SUDS3: variants seen among roughly 807,000 people sequenced by gnomAD.
SUDS3 encodes the protein SIN3A corepressor complex component SDS3, also known as sin3 histone deacetylase corepressor complex component SDS3.
A neutral mutation model predicts 53.5 loss-of-function variants in SUDS3; 23 were observed. The ratio of observed to expected loss-of-function variants is 0.43; its 90% CI spans 0.31 to 0.61. The LOEUF (loss-of-function observed/expected upper bound fraction) is 0.61, where lower values mean the gene tolerates loss of function less well. Among genes scored for constraint, SUDS3 ranks in the 20% least tolerant of loss-of-function variants. SUDS3 has a pLI of 0.10. For missense variants in SUDS3, 291 were observed against 405.9 expected (o/e 0.72, Z 2.43); for synonymous variants, 150 against 148.5 (o/e 1.01, Z -0.08).
At chr12:118,381,710 C>G (rs1365598184) in intron 2 of SUDS3, among the ~76,000 whole-genome samples, 1 of 152,148 alleles carries the variant, frequency 6.6e-6, no homozygotes, top group Non-Finnish European at 1.5e-5. Context: ...CAGGCCAGTG[C>G]TCTGTCCACG....
chr12:118,399,379 G>A (rs2046243732), intron 6 of SUDS3, among the ~76,000 whole-genome samples: 1 of 152,170 alleles, frequency 6.6e-6, no homozygotes, highest in Non-Finnish European at 1.5e-5. Flanking sequence ...GGCGCATGCT[G>A]TAGTCCCAGC....
At chr12:118,394,027 A>G (rs2046192050) in intron 6 of SUDS3, among the ~76,000 whole-genome samples, 1 of 152,136 alleles carries the variant, frequency 6.6e-6, no homozygotes, top group Admixed American at 6.6e-5. Flanking sequence ...GCTGGTTGAT[A>G]GCTGATACCA....
chr12:118,399,327 C>T (rs915395619), intron 6 of SUDS3, among the ~76,000 whole-genome samples: 5 of 151,996 alleles, frequency 3.3e-5, no homozygotes, highest in Admixed American at 2.0e-4. Flanking sequence ...TATGGTGAAA[C>T]CCTGATTCTA....
intron 2 of SUDS3, 88 bp downstream of exon 2, chr12:118,380,319 T>C: frequency 1.8e-5 from 21 of 1,192,964 alleles, no homozygotes; most frequent in Non-Finnish European, 2.5e-5. Flanking sequence ...AAATCTCAGA[T>C]GCTCCAAAAT....
In SUDS3 at chr12:118,387,284, G is replaced by A. The variant is rs147944379; in HGVS notation, c.340+1099G>A. Among the ~76,000 whole-genome samples, 3 of 152,278 alleles carry A rather than the reference G, an allele frequency of 2.0e-5. No homozygotes were observed. In the East Asian group the frequency reaches 5.8e-4, roughly 29 times the overall value. ...AATCCTCAACCGGTTGCTCTTCCTA[G>A]ACTTCCCTTTTAGCAGATAAAGGAG... On this transcript the variant is annotated intron_variant, in intron 4 of 11. Transcript: ENST00000543473.
chr12:118,400,022 G>A (rs868272985), intron 6 of SUDS3, among the ~76,000 whole-genome samples: 3 of 152,158 alleles, frequency 2.0e-5, no homozygotes, highest in Non-Finnish European at 4.4e-5. Flanking sequence ...CTTGGGAGGA[G>A]CTATTTGAAG....
At chr12:118,408,178 C>T (rs187200375) in intron 10 of SUDS3, among the ~76,000 whole-genome samples, 31 of 152,226 alleles carry the variant, frequency 2.0e-4, no homozygotes, top group African/African-American at 6.3e-4. Flanking sequence ...GGATTACAGG[C>T]GTAAGCCACT....
At position 118,391,280 on chromosome 12, in the gene SUDS3, G is replaced by C. The variant is rs1387963971; in HGVS notation, c.515G>C (p.Gly172Ala). 1 of 1,609,532 alleles carries C rather than the reference G, an allele frequency of 6.2e-7. No individual in the cohort carries two copies. The highest frequency in any genetic ancestry group is 1.7e-5 in the Admixed American group (1 of 58,932). The change falls in exon 6 of 12, where the codon GGA (glycine) becomes GCA (alanine). Residue 172 changes from glycine to alanine, a missense_variant and splice_region_variant. Physicochemically the swap from Gly to Ala is moderately conservative, Grantham distance 60. Around this residue, in one of 4 missense-constraint regions of SUDS3, gnomAD observed 55 missense variants for 124.2 expected, o/e 0.44. Transcript: ENST00000543473. ...ENEKLTMELT[G>A]DSMEVKPIMT... ...GAAAAGCTGACAATGGAACTGACTGGAGGTAGGAAAGCCCTATGGGGTGGG... is the reference window on the plus strand; with the variant it reads ...GAAAAGCTGACAATGGAACTGACTGCAGGTAGGAAAGCCCTATGGGGTGGG...
chr12:118,390,875 A>G (rs2046160399), intron 5 of SUDS3: 1 of 512,496 alleles, frequency 2.0e-6, no homozygotes, highest in Non-Finnish European at 3.7e-6. Context: ...GTGTTTTAGT[A>G]TAAAATATAG....
At chr12:118,392,186 A>G (rs2046173595) in intron 6 of SUDS3, among the ~76,000 whole-genome samples, 1 of 152,314 alleles carries the variant, frequency 6.6e-6, no homozygotes, top group South Asian at 2.1e-4. Flanking sequence ...AACTCTTACA[A>G]TTCGGAAAGT....
chr12:118,383,633 C>A (rs529879564), intron 2 of SUDS3, among the ~76,000 whole-genome samples: 4 of 152,224 alleles, frequency 2.6e-5, no homozygotes, highest in African/African-American at 9.6e-5. Context: ...CTGTAACTTA[C>A]AATCTAATTG....
rs2141401752 is a variant in SUDS3, at chr12:118,417,019, GT to G, written c.*2588del. Reference sequence around the variant, plus strand: ...TATGTACAGTGTTTGCTGCGGGTGTGTTCCAATATTCATTTTACCTCTGCTT... The same window carrying G: ...TATGTACAGTGTTTGCTGCGGGTGTGTCCAATATTCATTTTACCTCTGCTT... On this transcript the variant is annotated 3_prime_UTR_variant, in exon 12 of 12. Coordinates refer to ENST00000543473, the MANE Select transcript of SUDS3 (RefSeq NM_022491.3). 6.6e-6 allele frequency: 1 copy of G among 152,310 alleles called. No individual in the cohort carries two copies. Among genetic ancestry groups the G allele is most frequent in the South Asian group, 2.1e-4 (1 of 4,816 alleles). 9.4% of individuals were successfully genotyped at this position (152,310 alleles called of 1,614,324 possible). A position where few individuals can be genotyped will look rare whatever the true frequency, so the allele number is the denominator to read the frequency against.
rs546559922 is a variant in SUDS3, at chr12:118,402,239, G to A, written c.697+235G>A. 2.9e-5 allele frequency: 16 copies of A among 556,126 alleles called. No individual in the cohort carries two copies. The South Asian group carries it at 3.4e-4, about 12-fold the overall frequency. The allele number at this position is 556,126 out of a possible 1,614,324, so 34.4% of individuals were successfully genotyped here. On this transcript the variant is annotated intron_variant, in intron 9 of 11. Transcript: ENST00000543473. The stretch of plus-strand genomic sequence containing the variant: ...TTTTTTCTTAGGATTTATCATAAAA[G>A]AGACATTTGATTGATTGATTGATTT...
At chr12:118,386,357 T>C (rs1051886320) in intron 4 of SUDS3, among the ~76,000 whole-genome samples, 172 bp downstream of exon 4, 5 of 152,196 alleles carry the variant, frequency 3.3e-5, no homozygotes, top group Non-Finnish European at 5.9e-5. Context: ...TGGTTTCATC[T>C]TCTGCTTCTG....
Position 118,400,696 on chromosome 12 carries a change from G to A in SUDS3, c.555G>A (p.Leu185=). Residue 185 remains leucine, a synonymous_variant, in exon 7 of 12, where the codon TTG becomes TTA. Coordinates refer to ENST00000543473, the MANE Select transcript of SUDS3 (RefSeq NM_022491.3). Reference sequence around the variant, plus strand: ...TGAAACCTATCATGACCAGAAAGTTGCGGAGGCGACCAAATGATCCCGTCC... The same window carrying A: ...TGAAACCTATCATGACCAGAAAGTTACGGAGGCGACCAAATGATCCCGTCC... The part of the protein sequence containing the change: ...MEVKPIMTRK[L]RRRPNDPVPI... 8 of 1,613,952 alleles carry A rather than the reference G, an allele frequency of 5.0e-6. No homozygotes were observed. In the South Asian group the frequency reaches 6.6e-5, roughly 13 times the overall value.
chr12:118,384,731 G>T (rs972337315), intron 3 of SUDS3, among the ~76,000 whole-genome samples: 1 of 152,070 alleles, frequency 6.6e-6, no homozygotes, highest in Non-Finnish European at 1.5e-5. Flanking sequence ...TACTCTGGAG[G>T]CTGAGGCAGG....
intron 9 of SUDS3, among the ~76,000 whole-genome samples, chr12:118,403,091 T>C (rs1179505844): frequency 6.6e-6 from 1 of 152,216 alleles, no homozygotes; most frequent in Non-Finnish European, 1.5e-5. Context: ...ATTTTCATAA[T>C]ACTTGCCCTT....
At chr12:118,410,226 ATGAC>A (rs1327583347) in intron 10 of SUDS3, among the ~76,000 whole-genome samples, 2 of 152,192 alleles carry the variant, frequency 1.3e-5, no homozygotes, top group Non-Finnish European at 2.9e-5. Flanking sequence ...GTATTTTTGA[ATGAC>A]TGACTAAAGG....
chr12:118,387,529 C>T (rs1338296833), intron 4 of SUDS3, among the ~76,000 whole-genome samples: 5 of 151,834 alleles, frequency 3.3e-5, no homozygotes, highest in Admixed American at 3.3e-4. Context: ...TCATTCTGCT[C>T]AGACTCTCAA....
Sources: gnomAD v4.1 joint callset for allele counts (sites outside exome capture counted in the v4.1 genomes callset) on GRCh38, gnomAD v4.1.1 for gene constraint, gnomAD v4.1.1 regional missense constraint, MANE v1.5 for transcripts, NCBI Gene and HGNC (gene_info 2026-07-23, HGNC 2026-07-21) for gene names.